Variants in PIEZO2 observed in about 807,000 individuals in gnomAD.
PIEZO2 encodes the protein piezo-type mechanosensitive ion channel component 2.
PIEZO2 carries 172 observed loss-of-function variants against 337.3 expected under a neutral mutation model. That is an observed-to-expected ratio of 0.51 (90% CI 0.45 to 0.58). The LOEUF (loss-of-function observed/expected upper bound fraction) is 0.58, where lower values mean the gene tolerates loss of function less well. PIEZO2 is among the 20% of genes least tolerant of loss of function. The probability of loss-of-function intolerance (pLI) is 0.00; values close to 1 mark genes in which losing one functional copy is unlikely to be tolerated. For missense variants in PIEZO2, 3,028 were observed against 3,391.3 expected (o/e 0.89, Z 2.66); for synonymous variants, 1,251 against 1,228.5 (o/e 1.02, Z -0.38).
intron 3 of PIEZO2, among the ~76,000 whole-genome samples, chr18:10,930,730 G>C (rs264260): frequency 0.62 from 94,276 of 152,108 alleles, 29,591 homozygotes; most frequent in East Asian, 0.74. Flanking sequence ...CCTTTGAAGA[G>C]AGTAAAATAA....
chr18:10,857,576 G>A (rs1273644086), intron 5 of PIEZO2, among the ~76,000 whole-genome samples: 1 of 152,140 alleles, frequency 6.6e-6, no homozygotes, highest in Non-Finnish European at 1.5e-5. Context: ...CCACCAAGGT[G>A]ATAAGAAGTT....
At chr18:10,951,491 A>G (rs1278488328) in intron 3 of PIEZO2, among the ~76,000 whole-genome samples, 1 of 152,144 alleles carries the variant, frequency 6.6e-6, no homozygotes, top group Non-Finnish European at 1.5e-5. Context: ...ATGTGCACAA[A>G]AATTCACACC....
At position 10,945,565 on chromosome 18, in the gene PIEZO2, G is replaced by T. The variant is rs1020004753; in HGVS notation, c.286+33970C>A. Among the ~76,000 whole-genome samples the T allele has an allele frequency of 1.3e-5, 2 of 151,938 alleles. No individual in the cohort carries two copies. Among genetic ancestry groups the T allele is most frequent in the Non-Finnish European group, 2.9e-5 (2 of 68,010 alleles). ...TTCCAAATAACTTAACTGCATTTCA[G>T]AACCAAGCTTAAAAATATGTATAGG... On this transcript the variant is annotated intron_variant, in intron 3 of 55. Transcript: ENST00000674853. The surrounding 1 kb of genome is among the most constrained non-coding windows in gnomAD (Gnocchi z 4.0).
intron 7 of PIEZO2, among the ~76,000 whole-genome samples, chr18:10,826,983 A>C (rs1350804583): frequency 6.6e-6 from 1 of 152,078 alleles, no homozygotes; most frequent in Non-Finnish European, 1.5e-5. Context: ...TGGATTTTTC[A>C]CTTAGCAATA....
chr18:11,050,411 C>A (rs773850629), intron 2 of PIEZO2, among the ~76,000 whole-genome samples: 1 of 151,988 alleles, frequency 6.6e-6, no homozygotes, highest in African/African-American at 2.4e-5. Flanking sequence ...AGTTACAGAT[C>A]GCACTGCCTC....
At chr18:10,686,171 T>C (rs2034537092) in intron 49 of PIEZO2, among the ~76,000 whole-genome samples, 1 of 152,224 alleles carries the variant, frequency 6.6e-6, no homozygotes, top group Non-Finnish European at 1.5e-5. Flanking sequence ...TCCAGTGAGC[T>C]CCTAAGTCCC....
intron 2 of PIEZO2, among the ~76,000 whole-genome samples, chr18:11,004,885 G>C (rs540086999): frequency 6.6e-6 from 1 of 152,366 alleles, no homozygotes; most frequent in African/African-American, 2.4e-5. Context: ...TAAGCTTCTT[G>C]AGAGCAGGAG....
intron 3 of PIEZO2, among the ~76,000 whole-genome samples, chr18:10,936,444 T>C (rs1441258179): frequency 6.6e-6 from 1 of 152,134 alleles, no homozygotes; most frequent in Non-Finnish European, 1.5e-5. Flanking sequence ...AAAAAAAGTC[T>C]TAGGAAACCA....
rs753813732 is a variant in PIEZO2 at position 10,870,677 on chromosome 18, C to T, written c.492+576G>A. The stretch of plus-strand genomic sequence containing the variant: ...GTTGCTCCTGAAACCTTTCAACCAG[C>T]TAGCAAACATACATCTCGTTCATTA... On this transcript the variant is annotated intron_variant, in intron 5 of 55. Coordinates refer to ENST00000674853, the MANE Select transcript of PIEZO2 (RefSeq NM_001378183.1). The surrounding 1 kb of genome is among the most constrained non-coding windows in gnomAD (Gnocchi z 5.3). Among the ~76,000 whole-genome samples, 3 of 152,176 alleles carry T rather than the reference C, an allele frequency of 2.0e-5. No homozygotes were observed. The highest frequency in any genetic ancestry group is 4.4e-5 in the Non-Finnish European group (3 of 68,030).
intron 2 of PIEZO2, among the ~76,000 whole-genome samples, chr18:11,019,950 C>T (rs945677034): frequency 1.3e-5 from 2 of 152,090 alleles, no homozygotes; most frequent in East Asian, 3.9e-4. Flanking sequence ...GAGGCTGTGC[C>T]GAGCACATGT....
intron 1 of PIEZO2, among the ~76,000 whole-genome samples, chr18:11,130,010 A>G (rs767817183): frequency 6.6e-5 from 10 of 152,184 alleles, no homozygotes; most frequent in South Asian, 2.1e-4. Flanking sequence ...TAGTAGGGTG[A>G]GGGCTACTAT....
Position 10,953,915 on chromosome 18 carries a change from G to T in PIEZO2, c.286+25620C>A, listed in dbSNP as rs984903998. Among the ~76,000 whole-genome samples, 1 of 152,166 alleles carries T rather than the reference G, an allele frequency of 6.6e-6. No individual in the cohort carries two copies. Among genetic ancestry groups the T allele is most frequent in the Non-Finnish European group, 1.5e-5 (1 of 68,034 alleles). On this transcript the variant is annotated intron_variant, in intron 3 of 55. Coordinates refer to ENST00000674853, the MANE Select transcript of PIEZO2 (RefSeq NM_001378183.1). This position sits in a 1 kb window ranked among gnomAD's most constrained non-coding sequence, Gnocchi z 5.2. Reference sequence around the variant, plus strand: ...GAGGACGATACTGCCTTGTTTTAATGATTTGCGGCTGGCAGGGAACTGAAG... The same window carrying T: ...GAGGACGATACTGCCTTGTTTTAATTATTTGCGGCTGGCAGGGAACTGAAG...
At chr18:10,928,038 C>T (rs777670638) in intron 3 of PIEZO2, among the ~76,000 whole-genome samples, 34 of 152,170 alleles carry the variant, frequency 2.2e-4, no homozygotes, top group African/African-American at 6.0e-4. Context: ...CAATACCATA[C>T]ACTGGTGTGG....
rs182157191 is a variant in PIEZO2, at chr18:10,783,156, T to A, written c.2492+1628A>T. Among the ~76,000 whole-genome samples the A allele has an allele frequency of 7.4e-4, 112 of 152,090 alleles. No homozygotes were observed. The highest frequency in any genetic ancestry group is 8.2e-4 in the Non-Finnish European group (56 of 67,918). ...TTGGAAGAAAAAAAAGATTTTTTTTTAAAAAAGATTTCACTAGCAATGCTT... is the reference window on the plus strand; with the variant it reads ...TTGGAAGAAAAAAAAGATTTTTTTTAAAAAAAGATTTCACTAGCAATGCTT... On this transcript the variant is annotated intron_variant, in intron 17 of 55. Transcript: ENST00000674853. The surrounding 1 kb of genome is among the most constrained non-coding windows in gnomAD (Gnocchi z 4.3).
At chr18:10,739,070 T>G (rs1382581023) in intron 33 of PIEZO2, 1 of 152,190 alleles carries the variant, frequency 6.6e-6, no homozygotes, top group Non-Finnish European at 1.5e-5. Context: ...AAGATCAAAT[T>G]AAGGGCTTCC....
At position 11,031,560 on chromosome 18, in the gene PIEZO2, T is replaced by C. The variant is rs545151074; in HGVS notation, c.160+34567A>G. ...ATTCTTCACAGAGATGATATTCAAA[T>C]TATGCTTTTAAAACATTTTTATAAT... On this transcript the variant is annotated intron_variant, in intron 2 of 55. Transcript: ENST00000674853. The surrounding 1 kb of genome is among the most constrained non-coding windows in gnomAD (Gnocchi z 4.7). 1.1e-4 allele frequency among the ~76,000 whole-genome samples: 16 copies of C among 152,340 alleles called. No homozygotes were observed. Among genetic ancestry groups the C allele is most frequent in the Admixed American group, 1.0e-3 (16 of 15,306 alleles).
chr18:10,776,042 T>C (rs55639453), intron 18 of PIEZO2, among the ~76,000 whole-genome samples: 45,149 of 152,236 alleles, frequency 0.3, 7,791 homozygotes, highest in Middle Eastern at 0.41. Context: ...AAAACATAGA[T>C]AAAAATATTT....
chr18:10,812,661 C>T (rs1207654693), intron 7 of PIEZO2, among the ~76,000 whole-genome samples: 1 of 152,060 alleles, frequency 6.6e-6, no homozygotes, highest in African/African-American at 2.4e-5. Flanking sequence ...GCTCTGGGGG[C>T]CTCCATGGAC....
chr18:10,726,526 G>C lies in PIEZO2; in HGVS notation c.5029+4881C>G. 3.4e-6 allele frequency: 5 copies of C among 1,470,054 alleles called. No homozygotes were observed. Among genetic ancestry groups the C allele is most frequent in the African/African-American group, 1.4e-5 (1 of 71,198 alleles). 91.1% of individuals were successfully genotyped at this position (1,470,054 alleles called of 1,614,324 possible). ...AGCAGCCGTTCCTGTGGCGCGCTGCGCTGCTCTGCTCTGCTACACCAGCCG... is the reference window on the plus strand; with the variant it reads ...AGCAGCCGTTCCTGTGGCGCGCTGCCCTGCTCTGCTCTGCTACACCAGCCG... On this transcript the variant is annotated intron_variant, in intron 36 of 55. Coordinates refer to ENST00000674853, the MANE Select transcript of PIEZO2 (RefSeq NM_001378183.1). The surrounding 1 kb of genome is among the most constrained non-coding windows in gnomAD (Gnocchi z 5.9).
Sources: gnomAD v4.1 joint callset for allele counts (sites outside exome capture counted in the v4.1 genomes callset) on GRCh38, gnomAD v4.1.1 for gene constraint, Gnocchi (gnomAD v3.1) non-coding constraint, MANE v1.5 for transcripts, NCBI Gene and HGNC (gene_info 2026-07-23, HGNC 2026-07-21) for gene names.